Variants in SARAF observed in about 807,000 individuals in gnomAD.
SARAF encodes store-operated calcium entry associated regulatory factor, also known as store-operated calcium entry-associated regulatory factor.
In SARAF, 23 loss-of-function variants were observed where a neutral mutation model predicts 39.7. The observed-to-expected ratio is 0.58, with a 90% confidence interval of 0.42 to 0.82. SARAF has a LOEUF of 0.82. Among genes scored for constraint, SARAF ranks in the 40% least tolerant of loss-of-function variants. The pLI, the probability that SARAF is intolerant of heterozygous loss-of-function variation, is 0.00. For missense variants in SARAF, 384 were observed against 418.5 expected, an observed-to-expected ratio of 0.92 and a Z score of 0.72; for synonymous variants, 175 against 168.5, an observed-to-expected ratio of 1.04 and a Z score of -0.30.
At position 30,082,999 on chromosome 8, in the gene SARAF, C is replaced by T. The variant is rs1802145881; in HGVS notation, c.-50G>A. 1 of 1,426,514 alleles carries T rather than the reference C, an allele frequency of 7.0e-7. No homozygotes were observed. The highest frequency in any genetic ancestry group is 1.3e-5 in the South Asian group (1 of 77,738). 88.4% of individuals were successfully genotyped at this position (1,426,514 alleles called of 1,614,324 possible). On this transcript the variant is annotated 5_prime_UTR_variant, in exon 1 of 6. Transcript: ENST00000256255. ...GCTGCCAGACGCCTACGGGCCGAACCTGGGTGCGGTAGCGCGCGCGACGCT... is the reference window on the plus strand; with the variant it reads ...GCTGCCAGACGCCTACGGGCCGAACTTGGGTGCGGTAGCGCGCGCGACGCT...
rs148022695 is a variant in SARAF, at chr8:30,069,766, C to T, written c.576G>A (p.Leu192=). 258 of 1,614,190 alleles carry T rather than the reference C, an allele frequency of 1.6e-4. 1 individual carries two copies. The African/African-American group carries it at 3.1e-3, about 20-fold the overall frequency. The stretch of plus-strand genomic sequence containing the variant: ...GAGAATACTGCCCGTCACTCAGGAA[C>T]AGCTTATAGACTACAAACGCGATCC... ...LLGIAFVVYK[L]FLSDGQYSPP... The change falls in exon 3 of 6, where the codon CTG becomes CTA. Residue 192 remains leucine (L), a synonymous_variant. Transcript: ENST00000256255.
intron 3 of SARAF, 115 bp downstream of exon 3, chr8:30,069,527 G>A (rs1801779241): frequency 9.2e-7 from 1 of 1,089,556 alleles, no homozygotes; most frequent in Non-Finnish European, 1.3e-6. Flanking sequence ...AAAACAAAAT[G>A]AGAAGACAAA....
intron 5 of SARAF, among the ~76,000 whole-genome samples, chr8:30,065,512 A>T (rs1025137405): frequency 9.2e-5 from 14 of 152,206 alleles, no homozygotes; most frequent in African/African-American, 3.4e-4. Context: ...GCAGCTCCCA[A>T]TTAGGCTTGA....
intron 2 of SARAF, among the ~76,000 whole-genome samples, 160 bp from the exon 3 acceptor site, chr8:30,070,219 C>T (rs1457372594): frequency 6.6e-6 from 1 of 152,046 alleles, no homozygotes; most frequent in Non-Finnish European, 1.5e-5. Context: ...ACCCGCCTGG[C>T]CAAGATGGTG....
At chr8:30,064,559 A>ATTTT (rs1240248914) in intron 5 of SARAF, among the ~76,000 whole-genome samples, 3 of 50,020 alleles carry the variant, frequency 6.0e-5, no homozygotes, top group Non-Finnish European at 9.7e-5. Context: ...ATATATATAT[A>ATTTT]TATTTTTTTT....
chr8:30,070,806 G>A (rs1410867445), intron 2 of SARAF, among the ~76,000 whole-genome samples: 1 of 152,054 alleles, frequency 6.6e-6, no homozygotes, highest in African/African-American at 2.4e-5. Flanking sequence ...AAGCAACAGA[G>A]ATATTACATA....
At chr8:30,070,587 G>A (rs1184810139) in intron 2 of SARAF, among the ~76,000 whole-genome samples, 2 of 152,128 alleles carry the variant, frequency 1.3e-5, no homozygotes, top group Non-Finnish European at 2.9e-5. Context: ...GCGTATATGA[G>A]TATTCGTTTT....
Position 30,063,874 on chromosome 8 carries a change from T to TC in SARAF, c.*13dup, listed in dbSNP as rs1403592164. On this transcript the variant is annotated 3_prime_UTR_variant, in exon 6 of 6. Coordinates refer to ENST00000256255, the MANE Select transcript of SARAF (RefSeq NM_016127.6). ...AAAATTTCTGCATCCAGTGTTTGAC[T>TC]CCAACTTTCTACTTTATCGTCTCCT... 1 of 1,612,766 alleles carries TC rather than the reference T, an allele frequency of 6.2e-7. No individual in the cohort carries two copies.
chr8:30,067,042 T>G (rs915627399), intron 3 of SARAF, 124 bp from the exon 4 acceptor site: 2 of 1,013,324 alleles, frequency 2.0e-6, no homozygotes, highest in African/African-American at 1.6e-5. Context: ...AGGCATCAAG[T>G]TATTAACAAG....
chr8:30,065,508 C>T (rs1353953389), intron 5 of SARAF, among the ~76,000 whole-genome samples: 1 of 152,176 alleles, frequency 6.6e-6, no homozygotes, highest in Non-Finnish European at 1.5e-5. Context: ...CCCAGCAGCT[C>T]CCAATTAGGC....
intron 5 of SARAF, chr8:30,065,773 C>T: frequency 1.8e-6 from 1 of 541,912 alleles, no homozygotes; most frequent in South Asian, 2.0e-5. Flanking sequence ...CAAGTTAAAA[C>T]CTTGGTCTAT....
chr8:30,066,384 T>C (rs1455648366), intron 4 of SARAF, among the ~76,000 whole-genome samples: 1 of 152,206 alleles, frequency 6.6e-6, no homozygotes, highest in African/African-American at 2.4e-5. Flanking sequence ...GAATAAAATC[T>C]AAACTTAAAC....
At position 30,073,959 on chromosome 8, in the gene SARAF, A is replaced by G; in HGVS notation, c.200T>C (p.Val67Ala). 1 of 1,614,172 alleles carries G rather than the reference A, an allele frequency of 6.2e-7. No homozygotes were observed. ...RLDPIPQLKC[V>A]GGTAGCDSYT... ...AGAATCACAACCAGCTGTGCCTCCA[A>G]CACATTTCAACTGTGGGATGGGATC... The change falls in exon 2 of 6, where the codon GTT (valine) becomes GCT (alanine). Residue 67 changes from valine to alanine, a missense_variant. Transcript: ENST00000256255.
intron 1 of SARAF, among the ~76,000 whole-genome samples, chr8:30,075,528 G>GCAAAATCT (rs1472543334): frequency 6.6e-6 from 1 of 152,146 alleles, no homozygotes; most frequent in African/African-American, 2.4e-5. Context: ...AGGGACTCGA[G>GCAAAATCT]CAAAATCTGG....
At position 30,069,639 on chromosome 8, in the gene SARAF, T is replaced by C. The variant is rs1801782357; in HGVS notation, c.700+3A>G. The stretch of plus-strand genomic sequence containing the variant: ...ATTTATGGCCACTGCGAGGGAAACA[T>C]ACCTGTGAACTCAGACTTAAAGCCT... On this transcript the variant is annotated splice_donor_region_variant and intron_variant, in intron 3 of 5. Coordinates refer to ENST00000256255, the MANE Select transcript of SARAF (RefSeq NM_016127.6). The C allele has an allele frequency of 1.3e-6, 2 of 1,546,474 alleles. No homozygotes were observed. The highest frequency in any genetic ancestry group is 1.7e-5 in the Admixed American group (1 of 59,112).
intron 1 of SARAF, among the ~76,000 whole-genome samples, chr8:30,077,613 C>T (rs556026296): frequency 5.9e-5 from 9 of 151,862 alleles, no homozygotes; most frequent in Non-Finnish European, 8.8e-5. Context: ...ACCATCCTGG[C>T]GAACACGGTG....
chr8:30,069,102 T>C (rs1427840699), intron 3 of SARAF, among the ~76,000 whole-genome samples: 1 of 151,724 alleles, frequency 6.6e-6, no homozygotes, highest in Non-Finnish European at 1.5e-5. Flanking sequence ...ATCAAGTTTC[T>C]CTGATTAAGA....
intron 4 of SARAF, among the ~76,000 whole-genome samples, chr8:30,066,447 AT>A (rs1235770108): frequency 6.6e-6 from 1 of 152,102 alleles, no homozygotes; most frequent in East Asian, 1.9e-4. Context: ...TTCCAGCCTT[AT>A]TTTTATCATT....
chr8:30,064,711 T>C (rs1801644056), intron 5 of SARAF, among the ~76,000 whole-genome samples: 1 of 151,458 alleles, frequency 6.6e-6, no homozygotes, highest in Admixed American at 6.6e-5. Context: ...TACAGGCATG[T>C]GCCACTACAC....
Sources: gnomAD v4.1 joint callset for allele counts (sites outside exome capture counted in the v4.1 genomes callset) on GRCh38, gnomAD v4.1.1 for gene constraint, MANE v1.5 for transcripts, NCBI Gene and HGNC (gene_info 2026-07-23, HGNC 2026-07-21) for gene names.